The following COL25A1 variants were observed in gnomAD, a reference collection of about 807,000 sequenced individuals.
COL25A1 encodes collagen alpha-1(XXV) chain.
COL25A1 carries 103 observed loss-of-function variants against 128.4 expected under a neutral mutation model. The ratio of observed to expected loss-of-function variants is 0.80; its 90% CI spans 0.68 to 0.94. COL25A1 has a LOEUF of 0.94. Ranked by LOEUF, COL25A1 falls within the 40% of genes least tolerant of loss-of-function variation. COL25A1 has a pLI of 0.00. For missense variants in COL25A1, 745 were observed against 840.0 expected (o/e 0.89, Z 1.40); for synonymous variants, 279 against 277.2 (o/e 1.01, Z -0.06).
intron 3 of COL25A1, among the ~76,000 whole-genome samples, chr4:109,204,813 C>T (rs1457512334): frequency 6.6e-6 from 1 of 152,076 alleles, no homozygotes; most frequent in Non-Finnish European, 1.5e-5. Context: ...ACACCCGGGA[C>T]CCCAAAAATT....
chr4:108,911,694 T>C (rs1369929118), intron 13 of COL25A1, among the ~76,000 whole-genome samples: 1 of 152,184 alleles, frequency 6.6e-6, no homozygotes, highest in Non-Finnish European at 1.5e-5. Flanking sequence ...AGATGTAATA[T>C]GTCAGTATTT....
chr4:108,870,633 CA>C (rs1738596851), intron 19 of COL25A1, among the ~76,000 whole-genome samples: 1 of 152,136 alleles, frequency 6.6e-6, no homozygotes, highest in Non-Finnish European at 1.5e-5. Context: ...TCAGAGAAAT[CA>C]ATGGCGATTA....
intron 20 of COL25A1, among the ~76,000 whole-genome samples, chr4:108,866,795 C>T (rs148791238): frequency 1.2e-3 from 188 of 152,262 alleles, no homozygotes; most frequent in Admixed American, 5.3e-3. Context: ...GTGGATTCAA[C>T]ACAAATTAGA....
intron 10 of COL25A1, among the ~76,000 whole-genome samples, chr4:108,940,180 G>A (rs1017307811): frequency 2.0e-5 from 3 of 152,052 alleles, no homozygotes; most frequent in Non-Finnish European, 2.9e-5. Flanking sequence ...CAAAGGCCCC[G>A]GTGCACACTA....
intron 16 of COL25A1, among the ~76,000 whole-genome samples, chr4:108,895,414 A>G (rs142695424): frequency 1.2e-3 from 188 of 152,298 alleles, no homozygotes; most frequent in Admixed American, 5.3e-3. Flanking sequence ...GATCTTCTTA[A>G]TCTTTAACAC....
intron 3 of COL25A1, among the ~76,000 whole-genome samples, chr4:109,070,603 T>C (rs562834996): frequency 2.0e-5 from 3 of 152,038 alleles, no homozygotes; most frequent in Non-Finnish European, 2.9e-5. Context: ...TTGTTACATA[T>C]GTATACATGT....
intron 19 of COL25A1, among the ~76,000 whole-genome samples, chr4:108,878,977 C>T (rs1054400767): frequency 2.6e-5 from 4 of 152,194 alleles, no homozygotes; most frequent in African/African-American, 7.2e-5. Flanking sequence ...ATTCATTTCA[C>T]ATCCTATGTT....
At chr4:109,239,186 T>C (rs1426708936) in intron 3 of COL25A1, among the ~76,000 whole-genome samples, 1 of 151,772 alleles carries the variant, frequency 6.6e-6, no homozygotes, top group African/African-American at 2.4e-5. Context: ...TTAGGCAATT[T>C]TGTCATTGTG....
intron 3 of COL25A1, among the ~76,000 whole-genome samples, chr4:109,132,046 A>C (rs1262099935): frequency 6.6e-6 from 1 of 152,178 alleles, no homozygotes; most frequent in East Asian, 1.9e-4. Flanking sequence ...AGAAGTGCCA[A>C]TGAGGTTTTA....
rs552062485 is a variant in COL25A1 at position 109,258,180 on chromosome 4, A to G, written c.367+42403T>C. 8.1e-4 allele frequency among the ~76,000 whole-genome samples: 124 copies of G among 152,260 alleles called. 2 individuals are homozygous for G. The South Asian group carries it at 0.025, about 30-fold the overall frequency. On this transcript the variant is annotated intron_variant, in intron 3 of 37. Coordinates refer to ENST00000399132, the MANE Select transcript of COL25A1 (RefSeq NM_198721.4). The stretch of plus-strand genomic sequence containing the variant: ...TGGTCTCCAGTTTGTGCCCTGGTCC[A>G]TCTACACTTCATATTTTCCAGCTTA...
chr4:108,980,567 T>C (rs1752878307), intron 6 of COL25A1, among the ~76,000 whole-genome samples: 1 of 152,190 alleles, frequency 6.6e-6, no homozygotes. Context: ...CTGGCCTAAT[T>C]GGAAATAGCT....
chr4:109,300,539 T>C, intron 3 of COL25A1, 44 bp downstream of exon 3: 2 of 1,334,966 alleles, frequency 1.5e-6, no homozygotes, highest in Non-Finnish European at 2.2e-6. Flanking sequence ...TGTTTTAAAA[T>C]GCTCTGCTCT....
chr4:109,083,486 G>A (rs1334952041), intron 3 of COL25A1, among the ~76,000 whole-genome samples: 8 of 101,240 alleles, frequency 7.9e-5, no homozygotes, highest in South Asian at 3.3e-4. Context: ...TTTTTGAGAC[G>A]GAGTCTCGCT....
At chr4:108,814,485 C>CTAA (rs1237989463) in intron 37 of COL25A1, among the ~76,000 whole-genome samples, 1 of 152,144 alleles carries the variant, frequency 6.6e-6, no homozygotes, top group African/African-American at 2.4e-5. Flanking sequence ...GCTGTCAGGC[C>CTAA]TTCAATCTGT....
At chr4:108,983,741 G>C (rs1753300213) in intron 6 of COL25A1, among the ~76,000 whole-genome samples, 2 of 151,266 alleles carry the variant, frequency 1.3e-5, no homozygotes, top group South Asian at 4.2e-4. Flanking sequence ...CAGCTCTTAA[G>C]GCGGTGCGTC....
At chr4:109,182,641 A>T (rs1355823850) in intron 3 of COL25A1, among the ~76,000 whole-genome samples, 2 of 152,132 alleles carry the variant, frequency 1.3e-5, no homozygotes, top group East Asian at 1.9e-4. Flanking sequence ...GTAAGAGCTG[A>T]AAACAAAATT....
At chr4:109,055,573 T>A (rs1171662322) in intron 3 of COL25A1, among the ~76,000 whole-genome samples, 1 of 152,172 alleles carries the variant, frequency 6.6e-6, no homozygotes, top group Admixed American at 6.5e-5. Flanking sequence ...AGTGCGAACT[T>A]TCCAAAGTAC....
At chr4:109,111,491 A>C in intron 3 of COL25A1, among the ~76,000 whole-genome samples, 1 of 152,234 alleles carries the variant, frequency 6.6e-6, no homozygotes, top group Non-Finnish European at 1.5e-5. Context: ...GTGCAAATAA[A>C]CCAATAATGT....
intron 6 of COL25A1, among the ~76,000 whole-genome samples, chr4:108,997,383 A>G (rs1323043111): frequency 6.6e-6 from 1 of 152,226 alleles, no homozygotes; most frequent in Admixed American, 6.5e-5. Context: ...GAAGAAATGG[A>G]TAAATTCCTG....
Sources: allele counts gnomAD v4.1 joint callset (sites outside exome capture counted in the v4.1 genomes callset), GRCh38; gene constraint gnomAD v4.1.1; transcripts MANE v1.5; gene names NCBI Gene and HGNC (gene_info 2026-07-23, HGNC 2026-07-21).